MAN1A1: variants seen among roughly 807,000 people sequenced by gnomAD.
MAN1A1 encodes the protein mannosidase alpha class 1A member 1, also known as mannosyl-oligosaccharide 1,2-alpha-mannosidase IA.
Under a neutral mutation model 70.8 loss-of-function variants are expected in MAN1A1, and 29 were observed. The ratio of observed to expected loss-of-function variants is 0.41; its 90% CI spans 0.31 to 0.56. MAN1A1 has a LOEUF of 0.56. Ranked by LOEUF, MAN1A1 falls within the 20% of genes least tolerant of loss-of-function variation. MAN1A1 has a pLI of 0.29. For missense variants in MAN1A1, 747 were observed against 841.3 expected (o/e 0.89, Z 1.39); for synonymous variants, 349 against 330.1 (o/e 1.06, Z -0.62).
chr6:119,250,037 G>A (rs2114327483), intron 5 of MAN1A1, among the ~76,000 whole-genome samples: 1 of 152,234 alleles, frequency 6.6e-6, no homozygotes, highest in Non-Finnish European at 1.5e-5. Flanking sequence ...TCTTGTCAAA[G>A]GGGACAATTC....
Position 119,321,097 on chromosome 6 carries a change from C to A in MAN1A1, c.604-14105G>T, listed in dbSNP as rs1339583317. On this transcript the variant is annotated intron_variant, in intron 2 of 12. Transcript: ENST00000368468. ...TTTCTCAAATGTAAAATTTTGGACT[C>A]TCAAATATGTATACGTGAAAGAATA... 2.6e-5 allele frequency among the ~76,000 whole-genome samples: 4 copies of A among 152,172 alleles called. No individual in the cohort carries two copies. In the East Asian group the frequency reaches 7.7e-4, roughly 29 times the overall value.
chr6:119,205,510 G>A (rs1773835532), intron 6 of MAN1A1, among the ~76,000 whole-genome samples: 1 of 152,072 alleles, frequency 6.6e-6, no homozygotes, highest in Non-Finnish European at 1.5e-5. Flanking sequence ...ACAAAATTAT[G>A]TTATAAAAAT....
chr6:119,188,305 T>A (rs1014177297), intron 11 of MAN1A1, 100 bp downstream of exon 11: 1 of 1,149,074 alleles, frequency 8.7e-7, no homozygotes, highest in Non-Finnish European at 1.2e-6. Context: ...GTCGAAGCAT[T>A]AAAAATTATA....
intron 5 of MAN1A1, among the ~76,000 whole-genome samples, chr6:119,260,941 A>C (rs1775590381): frequency 6.9e-6 from 1 of 145,812 alleles, no homozygotes; most frequent in Admixed American, 6.7e-5. Context: ...CATTGTAGCT[A>C]CTCATGCACT....
At chr6:119,350,532 A>G (rs1022939265), upstream of MAN1A1, 8 of 985,286 alleles carry the variant, frequency 8.1e-6, no homozygotes, top group African/African-American at 1.4e-4. Context: ...TTTACCTCAT[A>G]GAAGTTGGTC....
intron 4 of MAN1A1, among the ~76,000 whole-genome samples, chr6:119,295,037 T>C (rs1772165707): frequency 6.6e-6 from 1 of 151,848 alleles, no homozygotes; most frequent in Non-Finnish European, 1.5e-5. Flanking sequence ...AAAAAGAGAG[T>C]CTAATATATA....
intron 5 of MAN1A1, among the ~76,000 whole-genome samples, chr6:119,288,815 G>C (rs7750901): frequency 0.38 from 57,278 of 151,312 alleles, 11,300 homozygotes; most frequent in Non-Finnish European, 0.41. Context: ...TCTACAGATA[G>C]AAAAATAAAA....
At chr6:119,309,766 A>G (rs1178428896) in intron 2 of MAN1A1, among the ~76,000 whole-genome samples, 1 of 152,212 alleles carries the variant, frequency 6.6e-6, no homozygotes, top group African/African-American at 2.4e-5. Flanking sequence ...CCAAAATTTC[A>G]TAATTGCAAC....
chr6:119,227,335 G>A (rs1392723243), intron 6 of MAN1A1, among the ~76,000 whole-genome samples: 1 of 152,186 alleles, frequency 6.6e-6, no homozygotes, highest in Non-Finnish European at 1.5e-5. Context: ...TGTATATCTT[G>A]ATTGTGGCAG....
At chr6:119,200,711 G>C (rs990780778) in intron 8 of MAN1A1, among the ~76,000 whole-genome samples, 1 of 152,154 alleles carries the variant, frequency 6.6e-6, no homozygotes, top group African/African-American at 2.4e-5. Flanking sequence ...AAAAGTTCTT[G>C]TGCAATACTT....
intron 5 of MAN1A1, among the ~76,000 whole-genome samples, chr6:119,265,912 T>C (rs1454618607): frequency 6.6e-6 from 1 of 152,200 alleles, no homozygotes; most frequent in Admixed American, 6.5e-5. Flanking sequence ...TAAGTGAGTA[T>C]TGCAAGATTT....
chr6:119,293,610 T>A (rs944510894), intron 4 of MAN1A1, among the ~76,000 whole-genome samples: 10 of 152,136 alleles, frequency 6.6e-5, no homozygotes, highest in African/African-American at 2.4e-4. Context: ...ATTTCCAACA[T>A]ATAATTCTTT....
intron 4 of MAN1A1, among the ~76,000 whole-genome samples, chr6:119,295,229 C>T (rs779678806): frequency 2.6e-5 from 4 of 152,026 alleles, no homozygotes; most frequent in Non-Finnish European, 5.9e-5. Context: ...AAAGACCAAC[C>T]TCTTCACACT....
At chr6:119,339,191 A>G (rs1773540606) in intron 2 of MAN1A1, among the ~76,000 whole-genome samples, 1 of 152,210 alleles carries the variant, frequency 6.6e-6, no homozygotes, top group East Asian at 1.9e-4. Context: ...GACACATGGG[A>G]GTATAAATGG....
At chr6:119,271,070 C>T (rs6941713) in intron 5 of MAN1A1, among the ~76,000 whole-genome samples, 6,311 of 152,176 alleles carry the variant, frequency 0.041, 149 homozygotes, top group African/African-American at 0.054. Context: ...TTCATTCCCA[C>T]ATATACATAT....
chr6:119,331,843 G>T, intron 2 of MAN1A1: 1 of 321,516 alleles, frequency 3.1e-6, no homozygotes, highest in Non-Finnish European at 6.2e-6. Context: ...TTCAAGGTGG[G>T]TAAGATCTGA....
chr6:119,216,269 T>C (rs1419559047), intron 6 of MAN1A1, among the ~76,000 whole-genome samples: 2 of 152,156 alleles, frequency 1.3e-5, no homozygotes, highest in Non-Finnish European at 1.5e-5. Context: ...GAAGAATAGG[T>C]TACATAAAAG....
chr6:119,185,404 G>GT (rs531091341), intron 11 of MAN1A1, among the ~76,000 whole-genome samples: 156 of 152,186 alleles, frequency 1.0e-3, no homozygotes, highest in African/African-American at 3.6e-3. Flanking sequence ...GGTTTCTCAA[G>GT]TGTATCAGTG....
chr6:119,325,249 C>A lies in MAN1A1; in HGVS notation c.604-18257G>T, dbSNP rs74398891. 5.9e-3 allele frequency among the ~76,000 whole-genome samples: 895 copies of A among 152,204 alleles called. 29 individuals carry two copies. The East Asian group carries it at 0.09, about 15-fold the overall frequency. On this transcript the variant is annotated intron_variant, in intron 2 of 12. Transcript: ENST00000368468. Reference sequence around the variant, plus strand: ...CAAGTTCACTGGACACATCAAAGAGCGGGAAATCAGAATTAGGGAGTCTGG... The same window carrying A: ...CAAGTTCACTGGACACATCAAAGAGAGGGAAATCAGAATTAGGGAGTCTGG...
Sources: gnomAD v4.1 joint callset for allele counts (sites outside exome capture counted in the v4.1 genomes callset) on GRCh38, gnomAD v4.1.1 for gene constraint, MANE v1.5 for transcripts, NCBI Gene and HGNC (gene_info 2026-07-23, HGNC 2026-07-21) for gene names.